OTUD7A: variants seen among roughly 807,000 people sequenced by gnomAD.
OTUD7A encodes the protein OTU deubiquitinase 7A.
In OTUD7A, 12 loss-of-function variants were observed where a neutral mutation model predicts 65.7. The ratio of observed to expected loss-of-function variants is 0.18; its 90% confidence interval spans 0.12 to 0.30. The LOEUF is 0.30. OTUD7A is among the 10% of genes least tolerant of loss of function. The pLI, the probability that OTUD7A is intolerant of heterozygous loss-of-function variation, is 1.00. For missense variants in OTUD7A, 1,148 were observed against 1,304.8 expected, an observed-to-expected ratio of 0.88 and a Z score of 1.85; for synonymous variants, 641 against 586.3, an observed-to-expected ratio of 1.09 and a Z score of -1.35.
intron 1 of OTUD7A, among the ~76,000 whole-genome samples, chr15:31,820,905 A>G (rs964230990): frequency 7.2e-5 from 11 of 151,976 alleles, no homozygotes; most frequent in African/African-American, 2.7e-4. Context: ...ATTCTAGAGC[A>G]TTTTCATCAC....
chr15:31,854,268 A>G (rs1222714340), intron 1 of OTUD7A, among the ~76,000 whole-genome samples: 5 of 152,030 alleles, frequency 3.3e-5, no homozygotes, highest in Non-Finnish European at 7.4e-5. Context: ...CACAACTCCT[A>G]TGCTTCCCTT....
At chr15:31,751,682 G>A (rs1894639897) in intron 1 of OTUD7A, among the ~76,000 whole-genome samples, 1 of 152,120 alleles carries the variant, frequency 6.6e-6, no homozygotes, top group South Asian at 2.1e-4. Flanking sequence ...ATCAGTGATG[G>A]ACTGAAAAAA....
chr15:31,504,632 C>A (rs1051469235), intron 8 of OTUD7A, among the ~76,000 whole-genome samples: 5 of 152,160 alleles, frequency 3.3e-5, no homozygotes, highest in African/African-American at 9.7e-5. Context: ...CCAGCCAAGA[C>A]TCCCCAGAGG....
chr15:31,713,177 G>C (rs958856970), intron 1 of OTUD7A, among the ~76,000 whole-genome samples: 2 of 152,188 alleles, frequency 1.3e-5, no homozygotes, highest in African/African-American at 4.8e-5. Flanking sequence ...TTACTTCACA[G>C]TATACATGAA....
intron 1 of OTUD7A, among the ~76,000 whole-genome samples, chr15:31,689,938 C>G (rs1197736334): frequency 6.6e-6 from 1 of 152,224 alleles, no homozygotes; most frequent in Non-Finnish European, 1.5e-5. Context: ...ATGTTCCACA[C>G]AGTGGAACCA....
intron 1 of OTUD7A, among the ~76,000 whole-genome samples, chr15:31,762,693 GAA>G (rs1468740223): frequency 6.6e-6 from 1 of 152,206 alleles, no homozygotes; most frequent in Non-Finnish European, 1.5e-5. Context: ...CTCAACTTTG[GAA>G]CCACATCCCT....
intron 1 of OTUD7A, among the ~76,000 whole-genome samples, chr15:31,660,636 G>A (rs1595692445): frequency 1.3e-5 from 2 of 152,194 alleles, no homozygotes; most frequent in East Asian, 3.8e-4. Context: ...AAGTTCTCCA[G>A]GAAATTCAAT....
intron 2 of OTUD7A, 71 bp from the exon 3 acceptor site, chr15:31,655,321 G>A (rs1891958867): frequency 1.5e-6 from 1 of 679,908 alleles, no homozygotes; most frequent in South Asian, 2.0e-5. Flanking sequence ...ACTACATGCA[G>A]AGACCTGAGC....
chr15:31,680,590 G>A (rs932340713), intron 1 of OTUD7A, among the ~76,000 whole-genome samples: 3 of 152,118 alleles, frequency 2.0e-5, no homozygotes, highest in African/African-American at 4.8e-5. Flanking sequence ...CTCAGGACCC[G>A]GGAGGGAAGG....
intron 3 of OTUD7A, among the ~76,000 whole-genome samples, chr15:31,574,561 A>G (rs1889148885): frequency 6.6e-6 from 1 of 152,252 alleles, no homozygotes; most frequent in South Asian, 2.1e-4. Flanking sequence ...ATGATCTTGT[A>G]TCAAACAAGG....
chr15:31,849,655 C>A (rs1897372857), intron 1 of OTUD7A, among the ~76,000 whole-genome samples: 1 of 152,138 alleles, frequency 6.6e-6, no homozygotes, highest in Non-Finnish European at 1.5e-5. Context: ...ATCTACCCAT[C>A]TGATAAAAGG....
chr15:31,500,690 T>G (rs1272859407), intron 10 of OTUD7A, among the ~76,000 whole-genome samples: 1 of 152,226 alleles, frequency 6.6e-6, no homozygotes, highest in Non-Finnish European at 1.5e-5. Flanking sequence ...TGTTGCTATA[T>G]TTACTTCCTG....
chr15:31,737,239 T>C lies in OTUD7A; in HGVS notation c.-99-80162A>G, dbSNP rs111418049. Among the ~76,000 whole-genome samples, 871 of 152,254 alleles carry C rather than the reference T, an allele frequency of 5.7e-3. 5 individuals carry two copies. Among genetic ancestry groups the C allele is most frequent in the African/African-American group, 0.02 (830 of 41,530 alleles). On this transcript the variant is annotated intron_variant, in intron 1 of 12. Transcript: ENST00000307050. ...GACATTAATATACTTAGAAAAATCG[T>C]TGAAACACATACACAGGCAAGGGAC...
chr15:31,709,452 C>T (rs1403573727), intron 1 of OTUD7A, among the ~76,000 whole-genome samples: 6 of 152,120 alleles, frequency 3.9e-5, no homozygotes, highest in Non-Finnish European at 7.4e-5. Flanking sequence ...ATGAGATCCC[C>T]GGATACACTT....
At position 31,655,191 on chromosome 15, in the gene OTUD7A, A is replaced by C; in HGVS notation, c.56T>G (p.Leu19Arg). Residue 19 changes from leucine to arginine, a missense_variant, in exon 3 of 13, where the codon CTA becomes CGA. This residue lies in a region of OTUD7A where 38 missense variants were observed against 85.7 expected (regional missense o/e 0.44). Transcript: ENST00000307050. Reference protein sequence around the residue: ...PTSAECWAALLHDPMTLDMDA... With the variant: ...PTSAECWAALRHDPMTLDMDA... ...CATATCAAGAGTCATAGGATCATGT[A>C]GAAGTGCTGCCCAACACTCAGCCGA... is the stretch of plus-strand genomic sequence containing the variant. 6.5e-7 allele frequency: 1 copy of C among 1,544,034 alleles called. No individual in the cohort carries two copies.
chr15:31,768,009 G>T, intron 1 of OTUD7A: 3 of 1,596,494 alleles, frequency 1.9e-6, no homozygotes, highest in Non-Finnish European at 2.6e-6. Flanking sequence ...GTAACTTCAG[G>T]ACCAAAATTG....
At chr15:31,491,996 C>G (rs896038171) in intron 10 of OTUD7A, among the ~76,000 whole-genome samples, 2 of 152,076 alleles carry the variant, frequency 1.3e-5, no homozygotes, top group East Asian at 3.8e-4. Context: ...ACCTGAACTA[C>G]AGGAGATGTT....
chr15:31,653,038 C>T (rs765546722), intron 3 of OTUD7A, among the ~76,000 whole-genome samples: 1 of 152,062 alleles, frequency 6.6e-6, no homozygotes, highest in Non-Finnish European at 1.5e-5. Context: ...ATCACGAGGT[C>T]AGGAGCTCAA....
chr15:31,761,329 A>C (rs1404995238), intron 1 of OTUD7A, among the ~76,000 whole-genome samples: 1 of 152,200 alleles, frequency 6.6e-6, no homozygotes, highest in Non-Finnish European at 1.5e-5. Context: ...ACTCAATAAT[A>C]AAAACACAAA....
Sources: gnomAD v4.1 joint callset for allele counts (sites outside exome capture counted in the v4.1 genomes callset) on GRCh38, gnomAD v4.1.1 for gene constraint, gnomAD v4.1.1 regional missense constraint, MANE v1.5 for transcripts, NCBI Gene and HGNC (gene_info 2026-07-23, HGNC 2026-07-21) for gene names.